The following GRID1 variants were observed in gnomAD, a reference collection of about 807,000 sequenced individuals.
The protein encoded by GRID1 is glutamate receptor ionotropic, delta-1.
Under a neutral mutation model 98.0 loss-of-function variants are expected in GRID1, and 28 were observed. The observed-to-expected ratio is 0.29, with a 90% CI of 0.21 to 0.39. The LOEUF (loss-of-function observed/expected upper bound fraction) is 0.39, where lower values mean the gene tolerates loss of function less well. Ranked by LOEUF, GRID1 falls within the 10% of genes least tolerant of loss-of-function variation. The probability of loss-of-function intolerance (pLI) is 1.00; values close to 1 mark genes in which losing one functional copy is unlikely to be tolerated. For missense variants in GRID1, 1,111 were observed against 1,340.5 expected, an observed-to-expected ratio of 0.83 and a Z score of 2.67; for synonymous variants, 553 against 538.5, an observed-to-expected ratio of 1.03 and a Z score of -0.37.
chr10:86,153,731 C>T (rs1337574804), intron 3 of GRID1, among the ~76,000 whole-genome samples: 1 of 152,148 alleles, frequency 6.6e-6, no homozygotes, highest in Non-Finnish European at 1.5e-5. Flanking sequence ...AGCCCCGCCA[C>T]CAAAACATGC....
chr10:85,718,724 C>T (rs1351987634), intron 12 of GRID1, among the ~76,000 whole-genome samples: 2 of 152,208 alleles, frequency 1.3e-5, no homozygotes, highest in Non-Finnish European at 2.9e-5. Flanking sequence ...CATGACACCA[C>T]ATTTTGCTCC....
intron 5 of GRID1, among the ~76,000 whole-genome samples, chr10:85,877,053 G>A (rs1843340609): frequency 6.6e-6 from 1 of 152,230 alleles, no homozygotes; most frequent in South Asian, 2.1e-4. Context: ...TAAGGCTGGG[G>A]GAGGGGCGCC....
chr10:86,121,542 CACCATT>C (rs1844673400), intron 4 of GRID1, among the ~76,000 whole-genome samples: 4 of 374 alleles, frequency 0.011, no homozygotes, highest in South Asian at 0.062. Flanking sequence ...TCATCACCAT[CACCATT>C]ATCTCACCAT....
intron 2 of GRID1, among the ~76,000 whole-genome samples, chr10:86,343,505 G>A (rs1028183255): frequency 6.6e-6 from 1 of 152,206 alleles, no homozygotes; most frequent in Non-Finnish European, 1.5e-5. Context: ...AGGTACCATC[G>A]CTCCACTGCT....
At chr10:86,235,277 C>T (rs1387644176) in intron 2 of GRID1, among the ~76,000 whole-genome samples, 3 of 152,238 alleles carry the variant, frequency 2.0e-5, no homozygotes. Context: ...CGAGGCTGAC[C>T]TCTCTGTACC....
intron 4 of GRID1, among the ~76,000 whole-genome samples, chr10:86,074,527 C>T (rs1408595260): frequency 6.6e-6 from 1 of 152,150 alleles, no homozygotes; most frequent in Non-Finnish European, 1.5e-5. Flanking sequence ...TTGCAAATGA[C>T]ATAATTTCAT....
At chr10:86,193,216 C>T (rs1564702717) in intron 3 of GRID1, among the ~76,000 whole-genome samples, 1 of 152,024 alleles carries the variant, frequency 6.6e-6, no homozygotes, top group East Asian at 1.9e-4. Flanking sequence ...TGAATCGCCA[C>T]CTGCAGCTGG....
chr10:85,828,494 C>A (rs987748155), intron 8 of GRID1, among the ~76,000 whole-genome samples: 10 of 151,694 alleles, frequency 6.6e-5, no homozygotes, highest in Non-Finnish European at 4.4e-5. Context: ...AGAAGATCAA[C>A]AAATCCAGGA....
At chr10:85,620,766 C>T (rs1040632284) in intron 13 of GRID1, among the ~76,000 whole-genome samples, 2 of 152,240 alleles carry the variant, frequency 1.3e-5, no homozygotes, top group African/African-American at 4.8e-5. Flanking sequence ...TGCCTGCACA[C>T]AAACACACCT....
chr10:85,642,430 C>T (rs1327356492), intron 13 of GRID1, among the ~76,000 whole-genome samples: 1 of 152,182 alleles, frequency 6.6e-6, no homozygotes, highest in African/African-American at 2.4e-5. Context: ...AAGAGACAAG[C>T]CTGACAGGAA....
At chr10:85,761,116 C>T (rs936031198) in intron 8 of GRID1, among the ~76,000 whole-genome samples, 1 of 152,146 alleles carries the variant, frequency 6.6e-6, no homozygotes, top group Non-Finnish European at 1.5e-5. Context: ...TAACTTTTTA[C>T]GGGTATCCCA....
At chr10:86,130,763 C>T (rs1322579496) in intron 4 of GRID1, among the ~76,000 whole-genome samples, 1 of 152,150 alleles carries the variant, frequency 6.6e-6, no homozygotes, top group African/African-American at 2.4e-5. Flanking sequence ...GATCTGAGTA[C>T]CAAGAGGGCG....
intron 2 of GRID1, among the ~76,000 whole-genome samples, chr10:86,237,143 G>A (rs575623827): frequency 2.6e-5 from 4 of 152,122 alleles, no homozygotes; most frequent in Non-Finnish European, 5.9e-5. Flanking sequence ...CTGGGAGGAG[G>A]TGACATTACC....
chr10:85,821,859 A>G lies in GRID1; in HGVS notation c.1233+32637T>C, dbSNP rs527308653. Among the ~76,000 whole-genome samples, 312 of 152,306 alleles carry G rather than the reference A, an allele frequency of 2.0e-3. 1 individual carries two copies. The highest frequency in any genetic ancestry group is 2.9e-3 in the Non-Finnish European group (200 of 68,034). ...CAGACATGTAGACCAATGGAACAGA[A>G]CAGAGCCCTCAGAAATAATACCACA... On this transcript the variant is annotated intron_variant, in intron 8 of 15. Coordinates refer to ENST00000327946, the MANE Select transcript of GRID1 (RefSeq NM_017551.3).
At chr10:86,155,813 G>T (rs1008889009) in intron 3 of GRID1, among the ~76,000 whole-genome samples, 2 of 152,188 alleles carry the variant, frequency 1.3e-5, no homozygotes, top group Non-Finnish European at 2.9e-5. Flanking sequence ...CTCTAGCCGG[G>T]GCTGGGCTGT....
chr10:86,353,318 G>A (rs1848487506), intron 2 of GRID1, among the ~76,000 whole-genome samples: 1 of 152,266 alleles, frequency 6.6e-6, no homozygotes, highest in African/African-American at 2.4e-5. Flanking sequence ...GTCTGAGGGG[G>A]CCAGCGGAGC....
intron 2 of GRID1, among the ~76,000 whole-genome samples, chr10:86,315,115 G>A (rs1847880943): frequency 6.6e-6 from 1 of 152,118 alleles, no homozygotes; most frequent in African/African-American, 2.4e-5. Context: ...GCATGACCTT[G>A]AGCAAGTCAC....
Position 85,599,802 on chromosome 10 carries a change from A to AAATATATAT in GRID1, c.*2470_*2471insATATATATT. On this transcript the variant is annotated 3_prime_UTR_variant, in exon 16 of 16. Transcript: ENST00000327946. The stretch of plus-strand genomic sequence containing the variant: ...GTAGAAAATTCTAAAAAAAAAAAAA[A>AAATATATAT]ATATATATATATATATATAAACATG... 272 of 64,980 alleles carry AAATATATAT rather than the reference A, an allele frequency of 4.2e-3. 11 individuals are homozygous for AAATATATAT. Among genetic ancestry groups the AAATATATAT allele is most frequent in the African/African-American group, 0.023 (244 of 10,732 alleles). The allele number at this position is 64,980 out of a possible 1,614,324, so 4.0% of individuals were successfully genotyped here.
intron 4 of GRID1, among the ~76,000 whole-genome samples, chr10:86,121,966 C>T (rs1223397120): frequency 6.6e-6 from 1 of 152,202 alleles, no homozygotes; most frequent in Non-Finnish European, 1.5e-5. Context: ...AAACGTTCCA[C>T]TGGATACCCC....
Sources: gnomAD v4.1 joint callset for allele counts (sites outside exome capture counted in the v4.1 genomes callset) on GRCh38, gnomAD v4.1.1 for gene constraint, MANE v1.5 for transcripts, NCBI Gene and HGNC (gene_info 2026-07-23, HGNC 2026-07-21) for gene names.